The following RAB6B variants were observed in gnomAD, a reference collection of about 807,000 sequenced individuals.
The protein encoded by RAB6B is ras-related protein Rab-6B.
A neutral mutation model predicts 31.2 loss-of-function variants in RAB6B; 7 were observed. The observed-to-expected ratio is 0.22, with a 90% CI of 0.13 to 0.42. The LOEUF is 0.42. RAB6B is among the 10% of genes least tolerant of loss of function. The pLI, the probability that RAB6B is intolerant of heterozygous loss-of-function variation, is 1.00. For synonymous variants in RAB6B, 105 were observed against 104.9 expected, an observed-to-expected ratio of 1.00 and a Z score of -0.01; for missense variants, 149 against 280.6, an observed-to-expected ratio of 0.53 and a Z score of 3.35.
chr3:133,842,859 A>C (rs1935856578), intron 2 of RAB6B, among the ~76,000 whole-genome samples: 1 of 152,240 alleles, frequency 6.6e-6, no homozygotes, highest in African/African-American at 2.4e-5. Flanking sequence ...ATATAACAGT[A>C]CTAAAATTAG....
chr3:133,839,731 C>T, intron 4 of RAB6B, 114 bp from the exon 5 acceptor site: 1 of 784,284 alleles, frequency 1.3e-6, no homozygotes, highest in Non-Finnish European at 2.3e-6. Flanking sequence ...CCCTCAGATA[C>T]CCAGGGAGGG....
intron 1 of RAB6B, among the ~76,000 whole-genome samples, chr3:133,871,330 A>G (rs78708043): frequency 0.028 from 4,191 of 152,324 alleles, 67 homozygotes; most frequent in Middle Eastern, 0.044. Flanking sequence ...AAATCACAGT[A>G]ACCTCCTGAA....
chr3:133,874,256 C>T lies in RAB6B; in HGVS notation c.71-9614G>A, dbSNP rs144665920. On this transcript the variant is annotated intron_variant, in intron 1 of 7. Coordinates refer to ENST00000285208, the MANE Select transcript of RAB6B (RefSeq NM_016577.4). ...AATGAGAGGGATAAGTTCTGAGCAACGCATCATTAGGTGACTCTGTCGTAG... is the reference window on the plus strand; with the variant it reads ...AATGAGAGGGATAAGTTCTGAGCAATGCATCATTAGGTGACTCTGTCGTAG... Among the ~76,000 whole-genome samples, 1,038 of 152,320 alleles carry T rather than the reference C, an allele frequency of 6.8e-3. 6 individuals carry two copies. The highest frequency in any genetic ancestry group is 0.011 in the Non-Finnish European group (769 of 68,038).
chr3:133,849,079 G>A (rs568618047), intron 2 of RAB6B, among the ~76,000 whole-genome samples: 3 of 152,046 alleles, frequency 2.0e-5, no homozygotes, highest in Non-Finnish European at 4.4e-5. Context: ...GTATGTCTGG[G>A]CCTTTTCTAA....
chr3:133,875,134 A>G (rs951145535), intron 1 of RAB6B, among the ~76,000 whole-genome samples: 1 of 152,246 alleles, frequency 6.6e-6, no homozygotes, highest in African/African-American at 2.4e-5. Flanking sequence ...GAGCTCCATT[A>G]TAATCTTATG....
At chr3:133,873,411 T>G (rs899241437) in intron 1 of RAB6B, among the ~76,000 whole-genome samples, 1 of 152,060 alleles carries the variant, frequency 6.6e-6, no homozygotes, top group Non-Finnish European at 1.5e-5. Flanking sequence ...TCCTCCTGCT[T>G]TTTTTCCCCC....
At chr3:133,832,642 T>C (rs1352587374) in intron 7 of RAB6B, among the ~76,000 whole-genome samples, 1 of 152,214 alleles carries the variant, frequency 6.6e-6, no homozygotes, top group Admixed American at 6.5e-5. Flanking sequence ...CGGCTGCCTC[T>C]GCCTGGTCCC....
At position 133,895,798 on chromosome 3, in the gene RAB6B, G is replaced by T. The variant is rs1054820117; in HGVS notation, c.-332C>A. On this transcript the variant is annotated 5_prime_UTR_variant, in exon 1 of 8. Transcript: ENST00000285208. ...CGCGGGCGGAGCGGGGCGCAGGGAC[G>T]GCGCGCGGGGCGGAGGAGCGCTCTC... The T allele has an allele frequency of 6.4e-6, 2 of 314,082 alleles. No homozygotes were observed. The highest frequency in any genetic ancestry group is 5.8e-6 in the Non-Finnish European group (1 of 173,106). 19.5% of individuals were successfully genotyped at this position (314,082 alleles called of 1,614,324 possible). A position where few individuals can be genotyped will look rare whatever the true frequency, so the allele number is the denominator to read the frequency against.
intron 1 of RAB6B, among the ~76,000 whole-genome samples, chr3:133,872,187 T>C (rs980928715): frequency 2.6e-5 from 4 of 152,358 alleles, no homozygotes; most frequent in Admixed American, 1.3e-4. Flanking sequence ...AAAAGGCAAG[T>C]CTGCTTCCTC....
chr3:133,894,203 G>A (rs910045809), intron 1 of RAB6B, among the ~76,000 whole-genome samples: 3 of 152,222 alleles, frequency 2.0e-5, no homozygotes, highest in African/African-American at 4.8e-5. Context: ...CTGGTCTGCA[G>A]AGGCAGAGCT....
At chr3:133,866,772 G>C (rs974737285) in intron 1 of RAB6B, among the ~76,000 whole-genome samples, 3 of 152,044 alleles carry the variant, frequency 2.0e-5, no homozygotes, top group African/African-American at 7.2e-5. Context: ...CCCTGAACTA[G>C]CAAGAGGCAG....
In RAB6B at chr3:133,824,876, T is replaced by G. The variant is rs1207383782; in HGVS notation, c.*3912A>C. 1 of 152,116 alleles carries G rather than the reference T, an allele frequency of 6.6e-6. No homozygotes were observed. The highest frequency in any genetic ancestry group is 6.5e-5 in the Admixed American group (1 of 15,280). The allele number at this position is 152,116 out of a possible 1,614,324, so 9.4% of individuals were successfully genotyped here. ...CATTTGTTCACACACAGGGCAGCAA[T>G]GGATGAAAAATGGAAACTTCACTGG... On this transcript the variant is annotated 3_prime_UTR_variant, in exon 8 of 8. Coordinates refer to ENST00000285208, the MANE Select transcript of RAB6B (RefSeq NM_016577.4).
At chr3:133,887,114 GCCCTCCCAGCTTAC>G (rs1234306484) in intron 1 of RAB6B, among the ~76,000 whole-genome samples, 1 of 152,134 alleles carries the variant, frequency 6.6e-6, no homozygotes, top group East Asian at 1.9e-4. Flanking sequence ...TCCTTTCCCT[GCCCTCCCAGCTTAC>G]CCCTCCCACC....
At chr3:133,891,968 C>T (rs1026311979) in intron 1 of RAB6B, among the ~76,000 whole-genome samples, 1 of 152,160 alleles carries the variant, frequency 6.6e-6, no homozygotes, top group Non-Finnish European at 1.5e-5. Flanking sequence ...CAGAAGAAGA[C>T]AGTGCACAGC....
chr3:133,851,390 G>C (rs376271044), intron 2 of RAB6B, among the ~76,000 whole-genome samples: 55 of 152,342 alleles, frequency 3.6e-4, no homozygotes, highest in Middle Eastern at 3.4e-3. Flanking sequence ...TAGAGAACAG[G>C]ATGGAGCCAA....
intron 1 of RAB6B, among the ~76,000 whole-genome samples, chr3:133,867,524 T>A (rs1459591915): frequency 6.6e-6 from 1 of 152,182 alleles, no homozygotes; most frequent in East Asian, 1.9e-4. Flanking sequence ...GGGGCTGGGA[T>A]GTGGCTGCAT....
chr3:133,838,570 G>A (rs923855727), intron 5 of RAB6B, among the ~76,000 whole-genome samples: 14 of 152,198 alleles, frequency 9.2e-5, no homozygotes, highest in African/African-American at 3.4e-4. Flanking sequence ...TGCAGAGCCT[G>A]TGCTTATGAA....
At chr3:133,843,195 T>C (rs988629259) in intron 2 of RAB6B, among the ~76,000 whole-genome samples, 2 of 152,086 alleles carry the variant, frequency 1.3e-5, no homozygotes, top group Non-Finnish European at 2.9e-5. Flanking sequence ...CAAAACACCT[T>C]AGATACAATC....
intron 2 of RAB6B, among the ~76,000 whole-genome samples, chr3:133,859,720 GT>G (rs1936132183): frequency 1.3e-5 from 2 of 152,160 alleles, no homozygotes; most frequent in Admixed American, 1.3e-4. Context: ...TCTCCTGTTT[GT>G]CCCCTCCCTA....
Sources: allele counts gnomAD v4.1 joint callset (sites outside exome capture counted in the v4.1 genomes callset), GRCh38; gene constraint gnomAD v4.1.1; transcripts MANE v1.5; gene names NCBI Gene and HGNC (gene_info 2026-07-23, HGNC 2026-07-21).